Variants in SMG6 observed in about 807,000 individuals in gnomAD.
The protein encoded by SMG6 is telomerase-binding protein EST1A.
SMG6 carries 66 observed loss-of-function variants against 142.2 expected under a neutral mutation model. The observed-to-expected ratio is 0.46, with a 90% CI of 0.38 to 0.57. The LOEUF (loss-of-function observed/expected upper bound fraction) is 0.57. Among genes scored for constraint, SMG6 ranks in the 20% least tolerant of loss-of-function variants. The probability of loss-of-function intolerance (pLI) is 0.00; values close to 1 mark genes in which losing one functional copy is unlikely to be tolerated. For missense variants in SMG6, 1,793 were observed against 1,832.0 expected, an observed-to-expected ratio of 0.98 and a Z score of 0.39; for synonymous variants, 779 against 702.4, an observed-to-expected ratio of 1.11 and a Z score of -1.72.
At chr17:2,061,731 C>G in intron 18 of SMG6, 109 bp from the exon 19 acceptor site, 1 of 1,259,626 alleles carries the variant, frequency 7.9e-7, no homozygotes, top group South Asian at 1.4e-5. Context: ...CCACGCTAGC[C>G]GTGTCTTGGC....
At chr17:2,173,140 G>T in intron 12 of SMG6, 1 of 427,260 alleles carries the variant, frequency 2.3e-6, no homozygotes, top group Non-Finnish European at 4.3e-6. Flanking sequence ...CCTAATGCAG[G>T]GTCCTGTCAT....
intron 10 of SMG6, among the ~76,000 whole-genome samples, chr17:2,200,629 G>A (rs992407548): frequency 6.6e-6 from 1 of 152,068 alleles, no homozygotes; most frequent in Non-Finnish European, 1.5e-5. Flanking sequence ...GCCTCCCAAA[G>A]TGCAAGAATT....
intron 9 of SMG6, chr17:2,236,984 C>T: frequency 3.3e-6 from 1 of 307,204 alleles, no homozygotes; most frequent in Non-Finnish European, 4.9e-6. Flanking sequence ...ATCGGCTTTT[C>T]TAAATACTCA....
chr17:2,097,907 A>G (rs764921611), intron 13 of SMG6, among the ~76,000 whole-genome samples: 9 of 152,080 alleles, frequency 5.9e-5, no homozygotes, highest in Non-Finnish European at 1.3e-4. Context: ...TATCGGGGAT[A>G]CTCAATTTTA....
At chr17:2,124,451 C>G (rs1351939333) in intron 13 of SMG6, among the ~76,000 whole-genome samples, 1 of 152,170 alleles carries the variant, frequency 6.6e-6, no homozygotes, top group Non-Finnish European at 1.5e-5. Context: ...AACAAAGTTC[C>G]ATTTCTGGCC....
At chr17:2,221,987 G>A (rs2151769324) in intron 10 of SMG6, among the ~76,000 whole-genome samples, 1 of 152,300 alleles carries the variant, frequency 6.6e-6, no homozygotes. Flanking sequence ...CACCTGCACT[G>A]GCCTCCCAAA....
chr17:2,066,094 C>T (rs1395538152), intron 16 of SMG6: 3 of 205,010 alleles, frequency 1.5e-5, no homozygotes, highest in South Asian at 8.6e-5. Context: ...ACACACACTG[C>T]AGTCCAGGAG....
intron 10 of SMG6, among the ~76,000 whole-genome samples, chr17:2,218,326 G>C (rs1024609322): frequency 6.6e-6 from 1 of 152,148 alleles, no homozygotes; most frequent in Non-Finnish European, 1.5e-5. Context: ...GAGGTGGGCA[G>C]ATCACGAGGC....
In SMG6 at chr17:2,199,162, C is replaced by T. The variant is rs2072433302; in HGVS notation, c.2870-10647G>A. On this transcript the variant is annotated intron_variant, in intron 10 of 18. Coordinates refer to ENST00000263073, the MANE Select transcript of SMG6 (RefSeq NM_017575.5). ...ACTGAGCGAGCAGTTAAAAAATGTT[C>T]TTGCTTCTCAAAAATAAGGTACACA... Among the ~76,000 whole-genome samples, 3 of 152,184 alleles carry T rather than the reference C, an allele frequency of 2.0e-5. No individual in the cohort carries two copies. The South Asian group carries it at 6.2e-4, about 32-fold the overall frequency.
intron 13 of SMG6, among the ~76,000 whole-genome samples, chr17:2,146,991 A>T (rs2151588788): frequency 6.6e-6 from 1 of 152,356 alleles, no homozygotes. Context: ...AAGAAGATAC[A>T]GAAGCCCAGA....
At chr17:2,175,587 C>T (rs192611318) in intron 12 of SMG6, among the ~76,000 whole-genome samples, 98 of 143,994 alleles carry the variant, frequency 6.8e-4, no homozygotes, top group African/African-American at 2.5e-3. Flanking sequence ...TGCCCACATA[C>T]GCCTTTTTGC....
At chr17:2,165,055 T>G (rs2071293296) in intron 13 of SMG6, among the ~76,000 whole-genome samples, 1 of 152,232 alleles carries the variant, frequency 6.6e-6, no homozygotes, top group Admixed American at 6.5e-5. Flanking sequence ...GGTGTTACTT[T>G]GCCTACCACA....
At chr17:2,100,891 A>G (rs1364865425) in intron 13 of SMG6, among the ~76,000 whole-genome samples, 1 of 151,996 alleles carries the variant, frequency 6.6e-6, no homozygotes, top group African/African-American at 2.4e-5. Flanking sequence ...GGCTCAAGAG[A>G]TCCCCCTGCT....
intron 10 of SMG6, 96 bp downstream of exon 10, chr17:2,236,396 G>C: frequency 1.6e-6 from 2 of 1,275,390 alleles, no homozygotes; most frequent in Non-Finnish European, 2.2e-6. Flanking sequence ...GGTGGGGTGG[G>C]GGGAGGTAGG....
At chr17:2,167,797 G>A (rs537556989) in intron 13 of SMG6, among the ~76,000 whole-genome samples, 1 of 152,330 alleles carries the variant, frequency 6.6e-6, no homozygotes, top group African/African-American at 2.4e-5. Context: ...CCACTGATGA[G>A]CACTGGAGAT....
intron 9 of SMG6, among the ~76,000 whole-genome samples, chr17:2,241,664 T>C (rs949566536): frequency 5.3e-5 from 8 of 152,180 alleles, no homozygotes; most frequent in Non-Finnish European, 8.8e-5. Flanking sequence ...ATGCTAGGAT[T>C]ATAGGCGTGA....
chr17:2,256,564 C>A (rs2074185010), intron 8 of SMG6, among the ~76,000 whole-genome samples: 1 of 151,896 alleles, frequency 6.6e-6, no homozygotes, highest in African/African-American at 2.4e-5. Context: ...GAGTTTGAGA[C>A]CAGCCTGGGC....
At chr17:2,243,033 G>A (rs1240180082) in intron 9 of SMG6, among the ~76,000 whole-genome samples, 1 of 152,200 alleles carries the variant, frequency 6.6e-6, no homozygotes, top group Non-Finnish European at 1.5e-5. Context: ...AACTTAAACT[G>A]GTGGCAGTGG....
chr17:2,189,909 G>A (rs1307921071), intron 10 of SMG6, among the ~76,000 whole-genome samples: 1 of 151,968 alleles, frequency 6.6e-6, no homozygotes, highest in African/African-American at 2.4e-5. Flanking sequence ...ACTGGTCCCA[G>A]ATGTCACCCT....
Sources: allele counts gnomAD v4.1 joint callset (sites outside exome capture counted in the v4.1 genomes callset), GRCh38; gene constraint gnomAD v4.1.1; transcripts MANE v1.5; gene names NCBI Gene and HGNC (gene_info 2026-07-23, HGNC 2026-07-21).